The following ADCY8 variants were observed in gnomAD, a reference collection of about 807,000 sequenced individuals.
ADCY8 encodes adenylate cyclase 8.
ADCY8 carries 51 observed loss-of-function variants against 119.7 expected under a neutral mutation model. The ratio of observed to expected loss-of-function variants is 0.43; its 90% confidence interval spans 0.34 to 0.54. The LOEUF is 0.54. Ranked by LOEUF, ADCY8 falls within the 20% of genes least tolerant of loss-of-function variation. ADCY8 has a pLI of 0.03. For synonymous variants in ADCY8, 665 were observed against 651.0 expected, an observed-to-expected ratio of 1.02 and a Z score of -0.33; for missense variants, 1,383 against 1,598.8, an observed-to-expected ratio of 0.87 and a Z score of 2.30.
At chr8:130,910,062 C>T (rs1819932390) in intron 5 of ADCY8, among the ~76,000 whole-genome samples, 196 bp from the exon 6 acceptor site, 1 of 151,690 alleles carries the variant, frequency 6.6e-6, no homozygotes, top group African/African-American at 2.4e-5. Context: ...GTCTCGATCT[C>T]CTGACCTCGT....
chr8:130,856,209 C>A (rs924656071), intron 9 of ADCY8, among the ~76,000 whole-genome samples: 3 of 152,014 alleles, frequency 2.0e-5, no homozygotes, highest in South Asian at 2.1e-4. Context: ...CATCGAATCC[C>A]AGCTTACACC....
intron 12 of ADCY8, among the ~76,000 whole-genome samples, chr8:130,830,145 C>T (rs1239637566): frequency 1.3e-5 from 2 of 152,140 alleles, no homozygotes; most frequent in Non-Finnish European, 2.9e-5. Context: ...TGGAAGTCTT[C>T]AGTAAGGTTT....
intron 2 of ADCY8, among the ~76,000 whole-genome samples, chr8:130,970,527 C>G (rs1821893222): frequency 6.6e-6 from 1 of 152,146 alleles, no homozygotes; most frequent in Non-Finnish European, 1.5e-5. Context: ...TTACATATTA[C>G]AATGTAATAA....
At chr8:130,953,601 C>T (rs973646985) in intron 2 of ADCY8, among the ~76,000 whole-genome samples, 4 of 152,086 alleles carry the variant, frequency 2.6e-5, no homozygotes, top group African/African-American at 9.7e-5. Context: ...GTTTAGATTC[C>T]AACTCTATCA....
chr8:130,904,496 A>G (rs531614830), intron 6 of ADCY8, among the ~76,000 whole-genome samples: 2 of 152,166 alleles, frequency 1.3e-5, no homozygotes, highest in Non-Finnish European at 2.9e-5. Flanking sequence ...CTGTCCTATC[A>G]TTTCAATCTT....
At chr8:130,885,971 C>T (rs1477595771) in intron 7 of ADCY8, among the ~76,000 whole-genome samples, 1 of 151,920 alleles carries the variant, frequency 6.6e-6, no homozygotes, top group Non-Finnish European at 1.5e-5. Context: ...TATCGATGAG[C>T]CTCAGAGAGA....
intron 12 of ADCY8, among the ~76,000 whole-genome samples, chr8:130,822,550 C>G (rs76800219): frequency 2.6e-4 from 31 of 118,448 alleles, no homozygotes; most frequent in South Asian, 5.2e-4. Context: ...ATCCATCCAT[C>G]CATCCATCCA....
At position 131,006,549 on chromosome 8, in the gene ADCY8, A is replaced by G. The variant is rs146331133; in HGVS notation, c.961-16007T>C. On this transcript the variant is annotated intron_variant, in intron 1 of 17. Transcript: ENST00000286355. ...AAAGGATCTACTACCTAAAAAGTCT[A>G]TCTAAACATGGCAGGATTCTAGACC... Among the ~76,000 whole-genome samples the G allele has an allele frequency of 3.3e-5, 5 of 152,326 alleles. No individual in the cohort carries two copies. The East Asian group carries it at 7.7e-4, about 23-fold the overall frequency.
chr8:130,787,612 A>C (rs1395404133), intron 15 of ADCY8, among the ~76,000 whole-genome samples: 3 of 152,110 alleles, frequency 2.0e-5, no homozygotes, highest in Non-Finnish European at 2.9e-5. Flanking sequence ...GTACATGTGT[A>C]GTGATGTGTG....
At chr8:130,959,301 A>C (rs1399273787) in intron 2 of ADCY8, among the ~76,000 whole-genome samples, 1 of 152,204 alleles carries the variant, frequency 6.6e-6, no homozygotes, top group Non-Finnish European at 1.5e-5. Context: ...TTGCCACCAG[A>C]AATGTTCATA....
At chr8:130,813,102 C>T (rs551612861) in intron 14 of ADCY8, among the ~76,000 whole-genome samples, 1 of 152,094 alleles carries the variant, frequency 6.6e-6, no homozygotes, top group Non-Finnish European at 1.5e-5. Flanking sequence ...CGCCTGCCCC[C>T]ACGCTTGGCT....
intron 8 of ADCY8, among the ~76,000 whole-genome samples, chr8:130,869,992 C>CTCT (rs1440036961): frequency 1.4e-5 from 2 of 145,096 alleles, no homozygotes; most frequent in Admixed American, 1.4e-4. Context: ...CCTCCTCCTC[C>CTCT]TCTCCTCTTC....
Position 130,884,440 on chromosome 8 carries a change from C to T in ADCY8, c.2109+124G>A, listed in dbSNP as rs1441121849. The stretch of plus-strand genomic sequence containing the variant: ...CAAGGAGAAAAATGAAAGACAGTAC[C>T]AAACCAAACCAAAGCAAACAAACAA... On this transcript the variant is annotated intron_variant, in intron 8 of 17. Transcript: ENST00000286355. The T allele has an allele frequency of 1.6e-5, 16 of 1,022,476 alleles. No individual in the cohort carries two copies. The East Asian group carries it at 1.9e-4, about 12-fold the overall frequency. The allele number at this position is 1,022,476 out of a possible 1,614,324, so 63.3% of individuals were successfully genotyped here. A position where few individuals can be genotyped will look rare whatever the true frequency, so the allele number is the denominator to read the frequency against.
chr8:130,879,660 A>C, intron 8 of ADCY8, among the ~76,000 whole-genome samples: 1 of 152,304 alleles, frequency 6.6e-6, no homozygotes, highest in Non-Finnish European at 1.5e-5. Context: ...TTACAACATA[A>C]TTTGTAATTT....
rs568864276 is a variant in ADCY8, at chr8:130,989,711, T to C, written c.1110+682A>G. ...TATAAATATCTTTAATAGGGACAAATCTTTATTCTTTGAAAGTAAATTTAA... is the reference window on the plus strand; with the variant it reads ...TATAAATATCTTTAATAGGGACAAACCTTTATTCTTTGAAAGTAAATTTAA... On this transcript the variant is annotated intron_variant, in intron 2 of 17. Coordinates refer to ENST00000286355, the MANE Select transcript of ADCY8 (RefSeq NM_001115.3). 1.1e-4 allele frequency among the ~76,000 whole-genome samples: 16 copies of C among 152,332 alleles called. 1 individual carries two copies. In the South Asian group the frequency reaches 3.3e-3, roughly 32 times the overall value.
At chr8:130,946,374 A>G (rs1821105860) in intron 3 of ADCY8, among the ~76,000 whole-genome samples, 1 of 152,160 alleles carries the variant, frequency 6.6e-6, no homozygotes, top group Non-Finnish European at 1.5e-5. Context: ...CGATCCCACC[A>G]TACATTATGC....
chr8:130,905,475 T>C (rs1819751507), intron 6 of ADCY8, among the ~76,000 whole-genome samples: 1 of 152,248 alleles, frequency 6.6e-6, no homozygotes, highest in South Asian at 2.1e-4. Flanking sequence ...CTAAGTTTAC[T>C]TTAGTGTTCA....
intron 5 of ADCY8, among the ~76,000 whole-genome samples, chr8:130,925,690 A>G (rs1195289282): frequency 6.6e-6 from 1 of 152,218 alleles, no homozygotes; most frequent in Non-Finnish European, 1.5e-5. Context: ...TGGAATCCTG[A>G]CTGGAATTCT....
chr8:130,867,198 T>G (rs1316493448), intron 9 of ADCY8, among the ~76,000 whole-genome samples: 1 of 152,174 alleles, frequency 6.6e-6, no homozygotes, highest in Non-Finnish European at 1.5e-5. Flanking sequence ...GGCTAGAGCA[T>G]CTATAACCTG....
Sources: allele counts gnomAD v4.1 joint callset (sites outside exome capture counted in the v4.1 genomes callset), GRCh38; gene constraint gnomAD v4.1.1; transcripts MANE v1.5; gene names NCBI Gene and HGNC (gene_info 2026-07-23, HGNC 2026-07-21).